The following BATF variants were observed in gnomAD, a reference collection of about 807,000 sequenced individuals.
The protein encoded by BATF is basic leucine zipper ATF-like transcription factor.
BATF carries 5 observed loss-of-function variants against 13.7 expected under a neutral mutation model. That is an observed-to-expected ratio of 0.36 (90% CI 0.19 to 0.77). BATF has a LOEUF of 0.77. Among genes scored for constraint, BATF ranks in the 30% least tolerant of loss-of-function variants. The pLI is 0.51. For synonymous variants in BATF, 72 were observed against 67.5 expected, an observed-to-expected ratio of 1.07 and a Z score of -0.33; for missense variants, 124 against 163.0, an observed-to-expected ratio of 0.76 and a Z score of 1.30.
chr14:75,528,649 A>T (rs1887686944), intron 2 of BATF, among the ~76,000 whole-genome samples: 1 of 152,236 alleles, frequency 6.6e-6, no homozygotes. Context: ...TCTCCTGCAG[A>T]CAACTGTAGG....
intron 1 of BATF, among the ~76,000 whole-genome samples, chr14:75,524,726 C>G (rs1478525366): frequency 6.6e-6 from 1 of 150,624 alleles, no homozygotes; most frequent in African/African-American, 2.4e-5. Flanking sequence ...GCCTAAAGGC[C>G]AAAAAGTGAG....
At chr14:75,541,347 G>A (rs1841816864) in intron 2 of BATF, among the ~76,000 whole-genome samples, 4 of 152,176 alleles carry the variant, frequency 2.6e-5, no homozygotes, top group Admixed American at 2.6e-4. Flanking sequence ...TCGAGTCACT[G>A]AGGATCACCC....
At position 75,546,774 on chromosome 14, in the gene BATF, A is replaced by G. The variant is rs1454626552; in HGVS notation, c.*103A>G. 7.3e-7 allele frequency: 1 copy of G among 1,361,806 alleles called. No homozygotes were observed. The highest frequency in any genetic ancestry group is 9.9e-7 in the Non-Finnish European group (1 of 1,005,788). The allele number at this position is 1,361,806 out of a possible 1,614,324, so 84.4% of individuals were successfully genotyped here. ...CCTGTCCACCTGGAGACCCGGAGAC[A>G]GAGGCCTGGACAAGGAGTGAACACG... On this transcript the variant is annotated 3_prime_UTR_variant, in exon 3 of 3. Coordinates refer to ENST00000286639, the MANE Select transcript of BATF (RefSeq NM_006399.5).
At chr14:75,526,804 C>T (rs925921399) in intron 2 of BATF, among the ~76,000 whole-genome samples, 1 of 152,186 alleles carries the variant, frequency 6.6e-6, no homozygotes, top group Non-Finnish European at 1.5e-5. Context: ...TAAGCTTGAA[C>T]ATCTATGATC....
In BATF at chr14:75,546,858, G is replaced by T; in HGVS notation, c.*187G>T. On this transcript the variant is annotated 3_prime_UTR_variant, in exon 3 of 3. Coordinates refer to ENST00000286639, the MANE Select transcript of BATF (RefSeq NM_006399.5). ...CCAGCAGTGCCGCAGCGTTTCGAGG[G>T]GCGTGTGCTGGACCCCACCACTGTG... 1.2e-6 allele frequency: 1 copy of T among 819,288 alleles called. No homozygotes were observed. The highest frequency in any genetic ancestry group is 2.0e-6 in the Non-Finnish European group (1 of 492,526). The allele number at this position is 819,288 out of a possible 1,614,324, so 50.8% of individuals were successfully genotyped here. A position where few individuals can be genotyped will look rare whatever the true frequency, so the allele number is the denominator to read the frequency against.
At chr14:75,545,481 C>A (rs1184356066) in intron 2 of BATF, among the ~76,000 whole-genome samples, 1 of 150,874 alleles carries the variant, frequency 6.6e-6, no homozygotes, top group African/African-American at 2.5e-5. Context: ...GTGATCCACC[C>A]ACCTCCGCCT....
chr14:75,536,369 G>A (rs181880383), intron 2 of BATF, among the ~76,000 whole-genome samples: 1 of 152,256 alleles, frequency 6.6e-6, no homozygotes, highest in South Asian at 2.1e-4. Context: ...GGTCAGAAAG[G>A]TGCTTGGTAA....
Position 75,546,701 on chromosome 14 carries a change from G to A in BATF, c.*30G>A. 6.5e-7 allele frequency: 1 copy of A among 1,532,806 alleles called. No individual in the cohort carries two copies. Among genetic ancestry groups the A allele is most frequent in the Non-Finnish European group, 8.8e-7 (1 of 1,139,694 alleles). The allele number at this position is 1,532,806 out of a possible 1,614,324, so 95.0% of individuals were successfully genotyped here. On this transcript the variant is annotated 3_prime_UTR_variant, in exon 3 of 3. Transcript: ENST00000286639. Reference sequence around the variant, plus strand: ...CCGATGCGGGGAGAGCAGAGCCTCGGGAGGGGCACACAGACTGTGGCAGAG... The same window carrying A: ...CCGATGCGGGGAGAGCAGAGCCTCGAGAGGGGCACACAGACTGTGGCAGAG...
At chr14:75,531,551 A>T (rs557137887) in intron 2 of BATF, among the ~76,000 whole-genome samples, 160 of 152,344 alleles carry the variant, frequency 1.1e-3, no homozygotes, top group Non-Finnish European at 7.9e-4. Context: ...CTTAGATGGA[A>T]GTGGGCCAGG....
At position 75,525,246 on chromosome 14, in the gene BATF, TG is replaced by T; in HGVS notation, c.168+61del. The T allele has an allele frequency of 1.5e-5, 22 of 1,515,232 alleles. 1 individual carries two copies. The South Asian group carries it at 2.3e-4, about 16-fold the overall frequency. 93.9% of individuals were successfully genotyped at this position (1,515,232 alleles called of 1,614,324 possible). A position where few individuals can be genotyped will look rare whatever the true frequency, so the allele number is the denominator to read the frequency against. On this transcript the variant is annotated intron_variant, in intron 2 of 2. Transcript: ENST00000286639. ...GCTTTAGGCTTTGCCCTCCGCCATC[TG>T]GGAACCCTTGGACCATAGCTTTGAT...
intron 2 of BATF, among the ~76,000 whole-genome samples, chr14:75,528,374 G>A (rs1383843610): frequency 6.6e-6 from 1 of 152,200 alleles, no homozygotes; most frequent in Non-Finnish European, 1.5e-5. Flanking sequence ...GAGAGTGTGG[G>A]ATGCTTACTA....
Position 75,522,552 on chromosome 14 carries a change from G to A in BATF, c.-131G>A. On this transcript the variant is annotated 5_prime_UTR_variant, in exon 1 of 3. Coordinates refer to ENST00000286639, the MANE Select transcript of BATF (RefSeq NM_006399.5). ...CGCAGGGGTCAGAGGTGGCTACAGG[G>A]CAGGCAGAGGAGGCACCTGTAGGGG... 2.1e-6 allele frequency: 2 copies of A among 934,804 alleles called. No individual in the cohort carries two copies. Among genetic ancestry groups the A allele is most frequent in the Non-Finnish European group, 3.4e-6 (2 of 592,310 alleles). The allele number at this position is 934,804 out of a possible 1,614,324, so 57.9% of individuals were successfully genotyped here.
At chr14:75,543,847 A>C (rs1887940794) in intron 2 of BATF, among the ~76,000 whole-genome samples, 1 of 151,800 alleles carries the variant, frequency 6.6e-6, no homozygotes, top group African/African-American at 2.4e-5. Context: ...AAACCCAAAA[A>C]ACCAAAAAAC....
In BATF at chr14:75,546,709, A is replaced by G; in HGVS notation, c.*38A>G. ...GGGAGAGCAGAGCCTCGGGAGGGGC[A>G]CACAGACTGTGGCAGAGCTGCGCCC... is the stretch of plus-strand genomic sequence containing the variant. On this transcript the variant is annotated 3_prime_UTR_variant, in exon 3 of 3. Transcript: ENST00000286639. 7.9e-6 allele frequency: 12 copies of G among 1,521,388 alleles called. No homozygotes were observed. Among genetic ancestry groups the G allele is most frequent in the Non-Finnish European group, 1.1e-5 (12 of 1,133,498 alleles). The allele number at this position is 1,521,388 out of a possible 1,614,324, so 94.2% of individuals were successfully genotyped here. A position where few individuals can be genotyped will look rare whatever the true frequency, so the allele number is the denominator to read the frequency against.
At chr14:75,525,656 T>C (rs1302377109) in intron 2 of BATF, among the ~76,000 whole-genome samples, 5 of 68,680 alleles carry the variant, frequency 7.3e-5, no homozygotes, top group Non-Finnish European at 5.9e-5. Flanking sequence ...TGAAACTTCA[T>C]CTCAAAAAAA....
chr14:75,527,107 A>C (rs1887664670), intron 2 of BATF, among the ~76,000 whole-genome samples: 1 of 152,178 alleles, frequency 6.6e-6, no homozygotes, highest in Non-Finnish European at 1.5e-5. Flanking sequence ...CTTATCTAGA[A>C]AATGGAAAAT....
At chr14:75,543,886 G>A (rs947318053) in intron 2 of BATF, among the ~76,000 whole-genome samples, 16 of 151,346 alleles carry the variant, frequency 1.1e-4, no homozygotes, top group African/African-American at 2.4e-4. Flanking sequence ...CTCTCACCTC[G>A]GCCTCCCAAA....
At chr14:75,531,880 G>A (rs1335052405) in intron 2 of BATF, among the ~76,000 whole-genome samples, 1 of 152,060 alleles carries the variant, frequency 6.6e-6, no homozygotes, top group Non-Finnish European at 1.5e-5. Context: ...AATGTTTGTT[G>A]GCACAGATAA....
At chr14:75,539,424 A>ATTTTTT (rs1162218076) in intron 2 of BATF, among the ~76,000 whole-genome samples, 15,888 of 58,434 alleles carry the variant, frequency 0.27, 4,284 homozygotes, top group East Asian at 0.37. Context: ...GTAAGCTGGA[A>ATTTTTT]TTTTTTTTTT....
Sources: allele counts gnomAD v4.1 joint callset (sites outside exome capture counted in the v4.1 genomes callset), GRCh38; gene constraint gnomAD v4.1.1; transcripts MANE v1.5; gene names NCBI Gene and HGNC (gene_info 2026-07-23, HGNC 2026-07-21).